DOCK2: variants seen among roughly 807,000 people sequenced by gnomAD.
DOCK2 encodes dedicator of cytokinesis protein 2.
In DOCK2, 87 loss-of-function variants were observed where a neutral mutation model predicts 248.9. The ratio of observed to expected loss-of-function variants is 0.35; its 90% confidence interval spans 0.29 to 0.42. The LOEUF is 0.42. Ranked by LOEUF, DOCK2 falls within the 10% of genes least tolerant of loss-of-function variation. The probability of loss-of-function intolerance (pLI) is 1.00; values close to 1 mark genes in which losing one functional copy is unlikely to be tolerated. For synonymous variants in DOCK2, 805 were observed against 821.6 expected (o/e 0.98, Z 0.35); for missense variants, 1,747 against 2,300.2 (o/e 0.76, Z 4.92).
At chr5:169,851,638 G>A (rs1014721336) in intron 27 of DOCK2, among the ~76,000 whole-genome samples, 1 of 152,168 alleles carries the variant, frequency 6.6e-6, no homozygotes, top group South Asian at 2.1e-4. Context: ...ATAAAGAACT[G>A]CCCAAGATTG....
intron 27 of DOCK2, among the ~76,000 whole-genome samples, chr5:169,956,714 A>G (rs1776881745): frequency 6.6e-6 from 1 of 152,226 alleles, no homozygotes; most frequent in Admixed American, 6.5e-5. Context: ...GTTTATAAAT[A>G]CAAGCTTTGT....
At chr5:169,766,261 C>T (rs1561675982) in intron 25 of DOCK2, among the ~76,000 whole-genome samples, 1 of 152,074 alleles carries the variant, frequency 6.6e-6, no homozygotes, top group Non-Finnish European at 1.5e-5. Flanking sequence ...TCTATTGTTC[C>T]GCTCTTTGCA....
intron 27 of DOCK2, among the ~76,000 whole-genome samples, chr5:169,868,621 G>A (rs1425834772): frequency 6.6e-6 from 1 of 152,126 alleles, no homozygotes; most frequent in Non-Finnish European, 1.5e-5. Context: ...AGCCATGTGT[G>A]GTGGTGTGCA....
intron 9 of DOCK2, among the ~76,000 whole-genome samples, chr5:169,694,302 A>G (rs550751616): frequency 6.6e-6 from 1 of 152,264 alleles, no homozygotes; most frequent in African/African-American, 2.4e-5. Flanking sequence ...AGGGTACTCT[A>G]CTCTGATGCC....
Position 169,709,663 on chromosome 5 carries a change from G to A in DOCK2, c.1482+1396G>A, listed in dbSNP as rs562166401. On this transcript the variant is annotated intron_variant, in intron 15 of 51. Transcript: ENST00000520908. ...TTGAACCTGGGAGGCGGAGGTTGCA[G>A]TGAGCTGAGATTGCACCACTGCACT... Among the ~76,000 whole-genome samples, 16 of 152,276 alleles carry A rather than the reference G, an allele frequency of 1.1e-4. No individual in the cohort carries two copies. The East Asian group carries it at 2.9e-3, about 28-fold the overall frequency.
In DOCK2 at chr5:169,835,259, G is replaced by GTTTT. The variant is rs763950012; in HGVS notation, c.2704-5498_2704-5497insTTTT. Reference sequence around the variant, plus strand: ...AGTGGGAGGAAAGAGTGAAATGCCTGGTTTTTTTTTTTTTTTTTTTGAGAC... The same window carrying GTTTT: ...AGTGGGAGGAAAGAGTGAAATGCCTGTTTTGTTTTTTTTTTTTTTTTTTTGAGAC... On this transcript the variant is annotated intron_variant, in intron 26 of 51. Coordinates refer to ENST00000520908, the MANE Select transcript of DOCK2 (RefSeq NM_004946.3). Among the ~76,000 whole-genome samples the GTTTT allele has an allele frequency of 4.2e-3, 580 of 138,550 alleles. 42 individuals are homozygous for GTTTT. The highest frequency in any genetic ancestry group is 7.3e-3 in the Middle Eastern group (2 of 274). The allele number at this position is 138,550 out of a possible 152,430, so 90.9% of individuals were successfully genotyped here. A position where few individuals can be genotyped will look rare whatever the true frequency, so the allele number is the denominator to read the frequency against.
At chr5:169,875,453 AC>A (rs1329956233) in intron 27 of DOCK2, 3 of 367,504 alleles carry the variant, frequency 8.2e-6, no homozygotes, top group African/African-American at 6.3e-5. Context: ...TTCCACTGAG[AC>A]CTAATATCCT....
chr5:169,857,685 C>T (rs1770971937), intron 27 of DOCK2, among the ~76,000 whole-genome samples: 1 of 150,204 alleles, frequency 6.7e-6, no homozygotes, highest in African/African-American at 2.5e-5. Context: ...TCCTCAGGGA[C>T]TTAAGTCTCT....
chr5:169,687,011 CCTGGGT>C (rs1393156808), intron 8 of DOCK2, among the ~76,000 whole-genome samples: 1 of 152,040 alleles, frequency 6.6e-6, no homozygotes, highest in African/African-American at 2.4e-5. Context: ...CCTAGATCTT[CCTGGGT>C]GAGGATGGAT....
intron 25 of DOCK2, among the ~76,000 whole-genome samples, chr5:169,768,045 C>T (rs1212530287): frequency 6.6e-6 from 1 of 152,202 alleles, no homozygotes; most frequent in Non-Finnish European, 1.5e-5. Context: ...GAAGTTGTGC[C>T]AGCTGGTGCA....
intron 26 of DOCK2, among the ~76,000 whole-genome samples, chr5:169,816,200 A>G (rs1267812978): frequency 1.3e-5 from 2 of 152,042 alleles, no homozygotes; most frequent in African/African-American, 4.8e-5. Flanking sequence ...GTGAGGGAGG[A>G]GGCGCCCTGT....
chr5:170,050,282 G>A lies in DOCK2; in HGVS notation c.4098G>A (p.Lys1366=). Reference sequence around the variant, plus strand: ...ACAAAGTGTTCATCTACCGCGGGAAGGAATATGAGCGAAGAGAAGATTTCC... The same window carrying A: ...ACAAAGTGTTCATCTACCGCGGGAAAGAATATGAGCGAAGAGAAGATTTCC... ...LRNKVFIYRG[K]EYERREDFQM... Residue 1366 remains lysine, a synonymous_variant, in exon 41 of 52, where the codon AAG becomes AAA. Coordinates refer to ENST00000520908, the MANE Select transcript of DOCK2 (RefSeq NM_004946.3). 6.2e-7 allele frequency: 1 copy of A among 1,614,194 alleles called. No homozygotes were observed. The highest frequency in any genetic ancestry group is 1.1e-5 in the South Asian group (1 of 91,084).
chr5:169,808,025 G>C (rs1441766188), intron 26 of DOCK2, among the ~76,000 whole-genome samples: 1 of 151,968 alleles, frequency 6.6e-6, no homozygotes, highest in Non-Finnish European at 1.5e-5. Context: ...GCTTTCTACA[G>C]GCACCAACTT....
At chr5:170,035,532 G>GGT (rs1297355798) in intron 35 of DOCK2, among the ~76,000 whole-genome samples, 1 of 152,172 alleles carries the variant, frequency 6.6e-6, no homozygotes, top group African/African-American at 2.4e-5. Flanking sequence ...ATCATGAAGA[G>GGT]GTGTTTTCCA....
chr5:169,978,158 T>C (rs1288621629), intron 27 of DOCK2, among the ~76,000 whole-genome samples: 1 of 152,044 alleles, frequency 6.6e-6, no homozygotes, highest in Non-Finnish European at 1.5e-5. Context: ...TGGTATCACA[T>C]AGTAATGTTG....
chr5:169,748,319 T>C (rs1763721169), intron 23 of DOCK2, among the ~76,000 whole-genome samples: 1 of 152,198 alleles, frequency 6.6e-6, no homozygotes, highest in Non-Finnish European at 1.5e-5. Context: ...GCCTGGGGAA[T>C]GTTTGCTTCT....
intron 6 of DOCK2, 141 bp downstream of exon 6, chr5:169,674,586 C>G (rs1390661189): frequency 1.5e-6 from 2 of 1,294,794 alleles, no homozygotes; most frequent in African/African-American, 3.0e-5. Flanking sequence ...AATGGCTGTG[C>G]TTGCGTGCCG....
chr5:170,056,775 A>G lies in DOCK2; in HGVS notation c.4380+7A>G. 1 of 1,613,020 alleles carries G rather than the reference A, an allele frequency of 6.2e-7. No individual in the cohort carries two copies. Among genetic ancestry groups the G allele is most frequent in the Non-Finnish European group, 8.5e-7 (1 of 1,179,378 alleles). ...CCCAGAGAATGAGTTTGCTGTGAGT[A>G]TCTTCCCTACCCTTGATCATTCCCT... is the stretch of plus-strand genomic sequence containing the variant. On this transcript the variant is annotated splice_region_variant and intron_variant, in intron 43 of 51. Coordinates refer to ENST00000520908, the MANE Select transcript of DOCK2 (RefSeq NM_004946.3).
intron 27 of DOCK2, among the ~76,000 whole-genome samples, chr5:169,929,438 G>T (rs1385933940): frequency 6.6e-6 from 1 of 152,082 alleles, no homozygotes; most frequent in African/African-American, 2.4e-5. Context: ...AGATAAGATG[G>T]TAAGAAGTCA....
Sources: allele counts gnomAD v4.1 joint callset (sites outside exome capture counted in the v4.1 genomes callset), GRCh38; gene constraint gnomAD v4.1.1; transcripts MANE v1.5; gene names NCBI Gene and HGNC (gene_info 2026-07-23, HGNC 2026-07-21).